CSMD1: variants seen among roughly 807,000 people sequenced by gnomAD.
The protein encoded by CSMD1 is CUB and sushi domain-containing protein 1.
In CSMD1, 213 loss-of-function variants were observed where a neutral mutation model predicts 417.5. That is an observed-to-expected ratio of 0.51 (90% CI 0.46 to 0.57). CSMD1 has a LOEUF of 0.57. Ranked by LOEUF, CSMD1 falls within the 20% of genes least tolerant of loss-of-function variation. The probability of loss-of-function intolerance (pLI) is 0.00; values close to 1 mark genes in which losing one functional copy is unlikely to be tolerated. For synonymous variants in CSMD1, 2,862 were observed against 1,736.8 expected, an observed-to-expected ratio of 1.65 and a Z score of -16.11; for missense variants, 6,923 against 4,529.7, an observed-to-expected ratio of 1.53 and a Z score of -15.17.
At chr8:4,787,360 G>A (rs1004324111) in intron 1 of CSMD1, 18 of 729,092 alleles carry the variant, frequency 2.5e-5, no homozygotes, top group Non-Finnish European at 4.5e-5. Flanking sequence ...CTGAACACTG[G>A]TAAAAAATTG....
At chr8:4,111,833 G>C (rs574847214) in intron 3 of CSMD1, among the ~76,000 whole-genome samples, 1 of 152,232 alleles carries the variant, frequency 6.6e-6, no homozygotes, top group East Asian at 1.9e-4. Context: ...TGAATCCTAG[G>C]TGATGGGTTG....
intron 3 of CSMD1, among the ~76,000 whole-genome samples, chr8:4,128,738 C>A (rs1461516887): frequency 6.6e-6 from 1 of 152,106 alleles, no homozygotes; most frequent in Non-Finnish European, 1.5e-5. Context: ...CTTATACTTT[C>A]ATCCCACACA....
intron 7 of CSMD1, among the ~76,000 whole-genome samples, chr8:3,658,852 T>C (rs928218566): frequency 3.9e-5 from 6 of 152,228 alleles, no homozygotes; most frequent in Non-Finnish European, 8.8e-5. Flanking sequence ...ATTGAAGGTT[T>C]TCTCCTAATT....
chr8:3,689,950 C>G (rs1585080288), intron 7 of CSMD1, among the ~76,000 whole-genome samples: 1 of 152,226 alleles, frequency 6.6e-6, no homozygotes, highest in Non-Finnish European at 1.5e-5. Flanking sequence ...AGTAAAAGTG[C>G]TATACAGTGT....
intron 3 of CSMD1, among the ~76,000 whole-genome samples, chr8:4,241,026 T>C (rs916843076): frequency 1.1e-4 from 16 of 152,144 alleles, no homozygotes; most frequent in Non-Finnish European, 1.8e-4. Context: ...GACTGACTAG[T>C]GTTATTTCTT....
At chr8:4,531,559 G>C (rs963935100) in intron 2 of CSMD1, among the ~76,000 whole-genome samples, 1 of 152,168 alleles carries the variant, frequency 6.6e-6, no homozygotes, top group Non-Finnish European at 1.5e-5. Flanking sequence ...ACATGTTAAA[G>C]TGTTTTGCCA....
chr8:4,767,437 AC>A (rs2117128435), intron 1 of CSMD1, among the ~76,000 whole-genome samples: 1 of 152,164 alleles, frequency 6.6e-6, no homozygotes, highest in Non-Finnish European at 1.5e-5. Context: ...CATCATCCTG[AC>A]CAATCCCGCA....
chr8:4,510,802 T>C, intron 2 of CSMD1, among the ~76,000 whole-genome samples: 1 of 129,786 alleles, frequency 7.7e-6, no homozygotes, highest in Non-Finnish European at 1.6e-5. Context: ...CCCTTTCCCT[T>C]CCCTTCCTTC....
chr8:4,846,436 T>G (rs996183490), intron 1 of CSMD1, among the ~76,000 whole-genome samples: 1 of 152,210 alleles, frequency 6.6e-6, no homozygotes. Context: ...GGCTTGTCCT[T>G]GAGGTTTTGG....
At chr8:4,229,189 C>T (rs1301106975) in intron 3 of CSMD1, among the ~76,000 whole-genome samples, 1 of 152,104 alleles carries the variant, frequency 6.6e-6, no homozygotes. Flanking sequence ...ACTTGTATTC[C>T]TCCTTTTCTG....
intron 3 of CSMD1, among the ~76,000 whole-genome samples, chr8:4,418,390 A>G (rs559653150): frequency 6.6e-6 from 1 of 152,284 alleles, no homozygotes; most frequent in East Asian, 1.9e-4. Context: ...CAGTAAACCC[A>G]GAAATAGCCC....
chr8:4,235,574 G>T (rs1178261806), intron 3 of CSMD1, among the ~76,000 whole-genome samples: 1 of 152,106 alleles, frequency 6.6e-6, no homozygotes, highest in Non-Finnish European at 1.5e-5. Flanking sequence ...CTTTTATAAA[G>T]AATTCCATCT....
intron 26 of CSMD1, among the ~76,000 whole-genome samples, chr8:3,242,070 C>CCGT (rs1435287310): frequency 8.5e-6 from 1 of 118,316 alleles, no homozygotes; most frequent in Non-Finnish European, 1.8e-5. Flanking sequence ...GAAAAAGAGC[C>CCGT]TAAACACTAT....
At position 3,875,428 on chromosome 8, in the gene CSMD1, A is replaced by C. The variant is rs531812885; in HGVS notation, c.819-121386T>G. On this transcript the variant is annotated intron_variant, in intron 5 of 69. Transcript: ENST00000635120. ...AGTTATGGATTGGAGGAGTTCCTGC[A>C]GGAGGGAGTGAGATGATGTAGGTGA... Among the ~76,000 whole-genome samples, 136 of 152,274 alleles carry C rather than the reference A, an allele frequency of 8.9e-4. 3 individuals are homozygous for C. The South Asian group carries it at 0.015, about 17-fold the overall frequency.
At chr8:3,722,780 A>G (rs962209152) in intron 6 of CSMD1, among the ~76,000 whole-genome samples, 3 of 152,218 alleles carry the variant, frequency 2.0e-5, no homozygotes, top group African/African-American at 7.2e-5. Flanking sequence ...AGCAGAATGC[A>G]CCTGCACTTC....
intron 5 of CSMD1, among the ~76,000 whole-genome samples, chr8:3,967,593 G>C (rs907087119): frequency 6.6e-6 from 1 of 152,282 alleles, no homozygotes; most frequent in Middle Eastern, 3.4e-3. Flanking sequence ...TGTAGAGTCA[G>C]ACGGTTCACA....
At chr8:4,519,201 C>T (rs992833550) in intron 2 of CSMD1, among the ~76,000 whole-genome samples, 1 of 152,022 alleles carries the variant, frequency 6.6e-6, no homozygotes, top group Non-Finnish European at 1.5e-5. Context: ...ATTACTAGAT[C>T]TTTGAAGAAC....
At chr8:4,402,539 C>G (rs1321945277) in intron 3 of CSMD1, among the ~76,000 whole-genome samples, 1 of 152,186 alleles carries the variant, frequency 6.6e-6, no homozygotes, top group African/African-American at 2.4e-5. Context: ...GCTCAATTCT[C>G]ACAGCCTCTT....
intron 57 of CSMD1, among the ~76,000 whole-genome samples, chr8:2,970,493 T>A (rs982436920): frequency 6.6e-6 from 1 of 152,272 alleles, no homozygotes. Flanking sequence ...AGGATAGTTC[T>A]GCTTTTAATC....
Sources: gnomAD v4.1 joint callset for allele counts (sites outside exome capture counted in the v4.1 genomes callset) on GRCh38, gnomAD v4.1.1 for gene constraint, MANE v1.5 for transcripts, NCBI Gene and HGNC (gene_info 2026-07-23, HGNC 2026-07-21) for gene names.